The following SEMA3C variants were observed in gnomAD, a reference collection of about 807,000 sequenced individuals.
The protein encoded by SEMA3C is semaphorin 3C.
Under a neutral mutation model 89.4 loss-of-function variants are expected in SEMA3C, and 47 were observed. The observed-to-expected ratio is 0.53, with a 90% CI of 0.42 to 0.67. The LOEUF is 0.67. Ranked by LOEUF, SEMA3C falls within the 30% of genes least tolerant of loss-of-function variation. The probability of loss-of-function intolerance (pLI) is 0.00; values close to 1 mark genes in which losing one functional copy is unlikely to be tolerated. For synonymous variants in SEMA3C, 310 were observed against 320.2 expected (o/e 0.97, Z 0.34); for missense variants, 839 against 929.1 (o/e 0.90, Z 1.26).
intron 2 of SEMA3C, among the ~76,000 whole-genome samples, chr7:80,834,798 C>T (rs1454365253): frequency 6.6e-6 from 1 of 152,110 alleles, no homozygotes; most frequent in African/African-American, 2.4e-5. Context: ...AGAGTATTTG[C>T]ATATAACCTA....
chr7:80,771,037 AAC>A (rs1470036885), intron 12 of SEMA3C, among the ~76,000 whole-genome samples: 2 of 152,252 alleles, frequency 1.3e-5, no homozygotes, highest in African/African-American at 4.8e-5. Flanking sequence ...AAACGAAGAA[AAC>A]AGTTATTTTG....
chr7:80,775,353 A>G (rs1205320845), intron 12 of SEMA3C, among the ~76,000 whole-genome samples: 1 of 152,156 alleles, frequency 6.6e-6, no homozygotes, highest in Non-Finnish European at 1.5e-5. Flanking sequence ...ATAAAAGCTG[A>G]AATAAGAACA....
intron 12 of SEMA3C, among the ~76,000 whole-genome samples, chr7:80,786,355 C>A (rs1788801369): frequency 6.6e-6 from 1 of 150,872 alleles, no homozygotes; most frequent in African/African-American, 2.4e-5. Flanking sequence ...AACTCTACAT[C>A]TTTTATGGAG....
intron 2 of SEMA3C, among the ~76,000 whole-genome samples, chr7:80,832,750 C>CTT (rs1196200966): frequency 1.3e-5 from 2 of 152,136 alleles, no homozygotes; most frequent in Non-Finnish European, 2.9e-5. Context: ...AAATCTGGAT[C>CTT]TTTTAAGAAA....
intron 2 of SEMA3C, among the ~76,000 whole-genome samples, chr7:80,840,796 C>G (rs1342340740): frequency 6.6e-6 from 1 of 151,960 alleles, no homozygotes; most frequent in Non-Finnish European, 1.5e-5. Context: ...CTAAGCCACT[C>G]AATATTATAC....
At chr7:80,840,467 T>C (rs1269971542) in intron 2 of SEMA3C, among the ~76,000 whole-genome samples, 1 of 138,050 alleles carries the variant, frequency 7.2e-6, no homozygotes, top group Non-Finnish European at 1.5e-5. Context: ...TGCAGCGAGC[T>C]GTGATTGCAC....
upstream of SEMA3C, chr7:80,922,168 G>A: frequency 9.8e-7 from 1 of 1,021,732 alleles, no homozygotes; most frequent in East Asian, 6.2e-5. Flanking sequence ...TTTGCCCAAA[G>A]TCAAATGGGT....
intron 2 of SEMA3C, among the ~76,000 whole-genome samples, chr7:80,909,767 G>A (rs1314012899): frequency 6.6e-6 from 1 of 152,048 alleles, no homozygotes. Flanking sequence ...GGAAAGACAA[G>A]ACTAGTATGT....
At chr7:80,919,204 AC>A (rs1792354710), upstream of SEMA3C, 1 of 984,860 alleles carries the variant, frequency 1.0e-6, no homozygotes, top group East Asian at 1.1e-4. Flanking sequence ...GCGAGGCCCC[AC>A]CCCGAGCGCG....
chr7:80,921,929 A>G (rs2116279498), upstream of SEMA3C, among the ~76,000 whole-genome samples: 1 of 152,284 alleles, frequency 6.6e-6, no homozygotes, highest in African/African-American at 2.4e-5. Flanking sequence ...TCTTATTTCA[A>G]ATTTAAAGAA....
Position 80,758,311 on chromosome 7 carries a change from G to A in SEMA3C, c.1643+20C>T. 2.5e-6 allele frequency: 4 copies of A among 1,600,464 alleles called. No individual in the cohort carries two copies. Among genetic ancestry groups the A allele is most frequent in the Non-Finnish European group, 3.4e-6 (4 of 1,173,096 alleles). On this transcript the variant is annotated intron_variant, in intron 15 of 17. Transcript: ENST00000265361. ...CTGGTGTCCTACATTTGGATGTTGA[G>A]CCGAGTGTTTAGTGCTCACCGTTTC... is the stretch of plus-strand genomic sequence containing the variant.
chr7:80,836,405 C>T (rs894418938), intron 2 of SEMA3C, among the ~76,000 whole-genome samples: 18 of 152,220 alleles, frequency 1.2e-4, no homozygotes, highest in Middle Eastern at 3.4e-3. Context: ...GTGCTGGGCG[C>T]GGTGGCTCAC....
rs191346978 is a variant in SEMA3C at position 80,769,679 on chromosome 7, G to A, written c.1355-4436C>T. Among the ~76,000 whole-genome samples the A allele has an allele frequency of 4.1e-3, 627 of 152,066 alleles. 4 individuals carry two copies. Among genetic ancestry groups the A allele is most frequent in the Non-Finnish European group, 6.6e-3 (447 of 67,980 alleles). On this transcript the variant is annotated intron_variant, in intron 12 of 17. Coordinates refer to ENST00000265361, the MANE Select transcript of SEMA3C (RefSeq NM_006379.5). ...TAGAGACCAGCCTGGCCAACATGGC[G>A]AAACCCTGTCTCTACTAAAAATGCA...
intron 2 of SEMA3C, among the ~76,000 whole-genome samples, chr7:80,896,717 T>C (rs963636251): frequency 6.6e-6 from 1 of 152,166 alleles, no homozygotes; most frequent in Non-Finnish European, 1.5e-5. Context: ...GAATTGTCTG[T>C]TGGGCCCTAT....
At chr7:80,888,762 A>G (rs1274264246) in intron 2 of SEMA3C, among the ~76,000 whole-genome samples, 1 of 152,178 alleles carries the variant, frequency 6.6e-6, no homozygotes, top group East Asian at 1.9e-4. Flanking sequence ...TTATAACCAC[A>G]ATAACAAAAA....
At chr7:80,828,767 G>C (rs552457991) in intron 2 of SEMA3C, 22 bp from the exon 3 acceptor site, 2 of 1,559,886 alleles carry the variant, frequency 1.3e-6, no homozygotes, top group Admixed American at 3.6e-5. Flanking sequence ...AACAGCACAA[G>C]TGTAGATACA....
At chr7:80,781,770 T>G (rs911057297) in intron 12 of SEMA3C, among the ~76,000 whole-genome samples, 4 of 152,166 alleles carry the variant, frequency 2.6e-5, no homozygotes, top group African/African-American at 7.2e-5. Flanking sequence ...TAGAAAATTT[T>G]CCTTACATTC....
chr7:80,797,369 C>A (rs1789089810), intron 11 of SEMA3C, among the ~76,000 whole-genome samples: 1 of 152,018 alleles, frequency 6.6e-6, no homozygotes, highest in African/African-American at 2.4e-5. Flanking sequence ...CTGTCTGTAT[C>A]TTCAGCTGGA....
At chr7:80,912,267 C>A (rs761074530) in intron 2 of SEMA3C, among the ~76,000 whole-genome samples, 18 of 152,124 alleles carry the variant, frequency 1.2e-4, no homozygotes, top group Non-Finnish European at 2.6e-4. Flanking sequence ...CTTTGCAATA[C>A]CTGAAATAAA....
Sources: gnomAD v4.1 joint callset for allele counts (sites outside exome capture counted in the v4.1 genomes callset) on GRCh38, gnomAD v4.1.1 for gene constraint, MANE v1.5 for transcripts, NCBI Gene and HGNC (gene_info 2026-07-23, HGNC 2026-07-21) for gene names.